Variants in GSDME observed in about 807,000 individuals in gnomAD.
GSDME encodes the protein gasdermin E.
GSDME carries 44 observed loss-of-function variants against 47.5 expected under a neutral mutation model. The ratio of observed to expected loss-of-function variants is 0.93; its 90% CI spans 0.73 to 1.19. The LOEUF is 1.19. Ranked by LOEUF, GSDME falls within the 50% of genes most tolerant of loss-of-function variation. The pLI, the probability that GSDME is intolerant of heterozygous loss-of-function variation, is 0.00. For missense variants in GSDME, 663 were observed against 604.2 expected (o/e 1.10, Z -1.02); for synonymous variants, 258 against 252.8 (o/e 1.02, Z -0.20).
At chr7:24,771,585 G>T in the GSDME span, among the ~76,000 whole-genome samples, 4 of 152,158 alleles carry the variant, frequency 2.6e-5, no homozygotes, top group African/African-American at 9.7e-5. This position sits in a 1 kb window ranked among gnomAD's most constrained non-coding sequence, Gnocchi z 4.1. Flanking sequence ...TGAGCAAGTT[G>T]CCTGAGTTTT....
Position 24,742,212 on chromosome 7 carries a change from A to C in GSDME, c.404+2350T>G, listed in dbSNP as rs1382592776. Reference sequence around the variant, plus strand: ...GGACGCGGGTTCATGCCTCGGCCTTAACATTCTGTGCTATCATTTTAAGAC... The same window carrying C: ...GGACGCGGGTTCATGCCTCGGCCTTCACATTCTGTGCTATCATTTTAAGAC... On this transcript the variant is annotated intron_variant, in intron 3 of 9. Coordinates refer to ENST00000645220, the MANE Select transcript of GSDME (RefSeq NM_001127453.2). The surrounding 1 kb of genome is among the most constrained non-coding windows in gnomAD (Gnocchi z 4.4). 1.3e-5 allele frequency among the ~76,000 whole-genome samples: 2 copies of C among 152,198 alleles called. No homozygotes were observed. Among genetic ancestry groups the C allele is most frequent in the Non-Finnish European group, 2.9e-5 (2 of 68,052 alleles).
At chr7:24,794,185 T>A in the GSDME span, among the ~76,000 whole-genome samples, 1 of 138,772 alleles carries the variant, frequency 7.2e-6, no homozygotes, top group Admixed American at 7.1e-5. Flanking sequence ...TGTCTCTTCC[T>A]CTCTCTCTCT....
rs897087569 is a variant in GSDME at position 24,721,342 on chromosome 7, C to T, written c.405-2124G>A. 2.0e-5 allele frequency among the ~76,000 whole-genome samples: 3 copies of T among 152,186 alleles called. No homozygotes were observed. Among genetic ancestry groups the T allele is most frequent in the East Asian group, 1.9e-4 (1 of 5,196 alleles). Reference sequence around the variant, plus strand: ...ATTCAAATTATAAAAATGTCTCACACGTGATAAAAATACATTGATGACAAC... The same window carrying T: ...ATTCAAATTATAAAAATGTCTCACATGTGATAAAAATACATTGATGACAAC... On this transcript the variant is annotated intron_variant, in intron 3 of 9. Coordinates refer to ENST00000645220, the MANE Select transcript of GSDME (RefSeq NM_001127453.2). The surrounding 1 kb of genome is among the most constrained non-coding windows in gnomAD (Gnocchi z 4.1).
Position 24,705,945 on chromosome 7 carries a change from G to C in GSDME, c.1183+239C>G. The C allele has an allele frequency of 1.7e-6, 1 of 579,050 alleles. No homozygotes were observed. Among genetic ancestry groups the C allele is most frequent in the Non-Finnish European group, 3.1e-6 (1 of 323,408 alleles). The allele number at this position is 579,050 out of a possible 1,614,324, so 35.9% of individuals were successfully genotyped here. Reference sequence around the variant, plus strand: ...CACTGTGGCCTTCCCTGGGGGAGGAGGGAGAAGGGCCCTCCGGGAGAGTAG... The same window carrying C: ...CACTGTGGCCTTCCCTGGGGGAGGACGGAGAAGGGCCCTCCGGGAGAGTAG... On this transcript the variant is annotated intron_variant, in intron 8 of 9. Coordinates refer to ENST00000645220, the MANE Select transcript of GSDME (RefSeq NM_001127453.2). This position sits in a 1 kb window ranked among gnomAD's most constrained non-coding sequence, Gnocchi z 4.1.
chr7:24,794,198 CTCTT>C, the GSDME span, among the ~76,000 whole-genome samples: 1 of 151,820 alleles, frequency 6.6e-6, no homozygotes, highest in South Asian at 2.1e-4. Flanking sequence ...CTCTCTCTGC[CTCTT>C]TCTCTTTGAC....
intron 3 of GSDME, among the ~76,000 whole-genome samples, chr7:24,729,867 C>T (rs1790088070): frequency 6.6e-6 from 1 of 152,170 alleles, no homozygotes; most frequent in South Asian, 2.1e-4. Context: ...ACTGGCTACC[C>T]TGTGGAGAAT....
the GSDME span, among the ~76,000 whole-genome samples, chr7:24,776,551 T>A: frequency 4.7e-3 from 722 of 152,338 alleles, 9 homozygotes; most frequent in African/African-American, 0.017. Flanking sequence ...CTAGGTTTCA[T>A]CTTATAACCA....
chr7:24,753,349 C>T (rs1225332459), intron 1 of GSDME, among the ~76,000 whole-genome samples: 1 of 152,222 alleles, frequency 6.6e-6, no homozygotes, highest in African/African-American at 2.4e-5. Flanking sequence ...CACTGCTCAG[C>T]ATCTTGCTTT....
intron 9 of GSDME, among the ~76,000 whole-genome samples, chr7:24,700,613 A>G (rs1488612516): frequency 1.3e-5 from 2 of 152,210 alleles, no homozygotes; most frequent in Non-Finnish European, 2.9e-5. Flanking sequence ...ACTGGAATGT[A>G]AAAGTACTTG....
chr7:24,778,346 C>T, the GSDME span, among the ~76,000 whole-genome samples: 15 of 152,040 alleles, frequency 9.9e-5, no homozygotes, highest in Non-Finnish European at 1.8e-4. This position sits in a 1 kb window ranked among gnomAD's most constrained non-coding sequence, Gnocchi z 5.6. Context: ...CAGCATCAGA[C>T]CTGAGGCTGA....
At chr7:24,737,967 G>C (rs1790361926) in intron 3 of GSDME, among the ~76,000 whole-genome samples, 1 of 151,872 alleles carries the variant, frequency 6.6e-6, no homozygotes, top group Admixed American at 6.6e-5. Context: ...CACATAGAAG[G>C]AACATAGTTC....
chr7:24,702,984 G>A, intron 8 of GSDME, 151 bp from the exon 9 acceptor site: 1 of 634,346 alleles, frequency 1.6e-6, no homozygotes, highest in Admixed American at 2.1e-5. Context: ...GTGAATGAAT[G>A]GTGCTAAATG....
rs567966462 is a variant in GSDME at position 24,733,304 on chromosome 7, ACT to A, written c.404+11256_404+11257del. On this transcript the variant is annotated intron_variant, in intron 3 of 9. Transcript: ENST00000645220. This position sits in a 1 kb window ranked among gnomAD's most constrained non-coding sequence, Gnocchi z 4.3. ...ATACATGCCATGAGCCTTGGGTGAG[ACT>A]CTGAGACATGCTGACCCAGCTGTGG... Among the ~76,000 whole-genome samples the A allele has an allele frequency of 2.1e-4, 32 of 151,918 alleles. 1 individual carries two copies. The South Asian group carries it at 6.7e-3, about 32-fold the overall frequency.
intron 9 of GSDME, among the ~76,000 whole-genome samples, chr7:24,700,501 T>G (rs1341512953): frequency 2.0e-5 from 3 of 152,102 alleles, no homozygotes; most frequent in African/African-American, 7.2e-5. Context: ...TTTTAAGAAA[T>G]CTGAAGGGAA....
chr7:24,713,458 C>A (rs1472041263), intron 5 of GSDME, among the ~76,000 whole-genome samples: 2 of 152,186 alleles, frequency 1.3e-5, no homozygotes, highest in Non-Finnish European at 2.9e-5. Flanking sequence ...GACTGCATGT[C>A]CTGAACCCCG....
intron 2 of GSDME, among the ~76,000 whole-genome samples, chr7:24,746,954 G>A (rs193259978): frequency 9.9e-4 from 150 of 152,282 alleles, no homozygotes; most frequent in African/African-American, 3.1e-3. Context: ...GACGCTTCTC[G>A]TCACCGCCCT....
rs1790580565 is a variant in GSDME at position 24,744,364 on chromosome 7, C to G, written c.404+198G>C. On this transcript the variant is annotated intron_variant, in intron 3 of 9. Transcript: ENST00000645220. This position sits in a 1 kb window ranked among gnomAD's most constrained non-coding sequence, Gnocchi z 4.5. ...CCTTTGAAAGTGCTTCCCAAGTCTC[C>G]CCCCACTCAGGCTAAGAACAGTCAA... 1.6e-6 allele frequency: 1 copy of G among 606,872 alleles called. No homozygotes were observed. Among genetic ancestry groups the G allele is most frequent in the Admixed American group, 2.8e-5 (1 of 35,806 alleles). The allele number at this position is 606,872 out of a possible 1,614,324, so 37.6% of individuals were successfully genotyped here.
intron 9 of GSDME, 115 bp downstream of exon 9, chr7:24,702,645 C>T: frequency 2.4e-6 from 2 of 829,358 alleles, no homozygotes; most frequent in Non-Finnish European, 4.2e-6. Context: ...CTTAATGTGT[C>T]TTGAAGAGCT....
At chr7:24,768,278 G>C in the GSDME span, among the ~76,000 whole-genome samples, 1 of 152,262 alleles carries the variant, frequency 6.6e-6, no homozygotes, top group Non-Finnish European at 1.5e-5. This position sits in a 1 kb window ranked among gnomAD's most constrained non-coding sequence, Gnocchi z 5.6. Flanking sequence ...ACACCTGCTG[G>C]GCTGTGCCTG....
Sources: allele counts gnomAD v4.1 joint callset (sites outside exome capture counted in the v4.1 genomes callset), GRCh38; gene constraint gnomAD v4.1.1; non-coding constraint Gnocchi (gnomAD v3.1); transcripts MANE v1.5; gene names NCBI Gene and HGNC (gene_info 2026-07-23, HGNC 2026-07-21).